NCKAP5: variants seen among roughly 807,000 people sequenced by gnomAD.
The protein encoded by NCKAP5 is NCK associated protein 5.
A neutral mutation model predicts 167.0 loss-of-function variants in NCKAP5; 92 were observed. That is an observed-to-expected ratio of 0.55 (90% CI 0.47 to 0.66). The LOEUF (loss-of-function observed/expected upper bound fraction) is 0.66, where lower values mean the gene tolerates loss of function less well. NCKAP5 is among the 30% of genes least tolerant of loss of function. The probability of loss-of-function intolerance (pLI) is 0.00; values close to 1 mark genes in which losing one functional copy is unlikely to be tolerated. For missense variants in NCKAP5, 2,378 were observed against 2,315.0 expected (o/e 1.03, Z -0.56); for synonymous variants, 891 against 877.4 (o/e 1.02, Z -0.27).
chr2:133,436,011 C>T (rs1690453044), intron 3 of NCKAP5, among the ~76,000 whole-genome samples: 1 of 152,160 alleles, frequency 6.6e-6, no homozygotes, highest in African/African-American at 2.4e-5. Context: ...TTATCATTCA[C>T]CCAGACCCTC....
the NCKAP5 span, among the ~76,000 whole-genome samples, chr2:133,635,083 A>G: frequency 6.6e-6 from 1 of 152,096 alleles, no homozygotes; most frequent in African/African-American, 2.4e-5. Context: ...CATGTTGGCT[A>G]GGCTGGTCTC....
At chr2:133,327,881 T>C (rs1431519418) in intron 3 of NCKAP5, among the ~76,000 whole-genome samples, 2 of 152,180 alleles carry the variant, frequency 1.3e-5, no homozygotes, top group Non-Finnish European at 2.9e-5. Context: ...TTGTCTGTCA[T>C]ACCTGGGAGA....
intron 8 of NCKAP5, among the ~76,000 whole-genome samples, chr2:132,904,910 C>G (rs1443712496): frequency 6.6e-6 from 1 of 152,022 alleles, no homozygotes; most frequent in Admixed American, 6.6e-5. Flanking sequence ...TTCTGTTTGT[C>G]CTTTAATGTT....
intron 5 of NCKAP5, among the ~76,000 whole-genome samples, chr2:133,167,955 T>C (rs991593565): frequency 2.0e-5 from 3 of 152,182 alleles, no homozygotes; most frequent in African/African-American, 7.2e-5. Flanking sequence ...ATTATCATCA[T>C]AACAGTGATA....
chr2:133,089,706 A>C (rs1316953829), intron 6 of NCKAP5, among the ~76,000 whole-genome samples: 3 of 152,214 alleles, frequency 2.0e-5, no homozygotes, highest in African/African-American at 4.8e-5. Context: ...GTACATACAC[A>C]AGTGTCCAGC....
chr2:133,033,136 C>T (rs1428732888), intron 6 of NCKAP5, among the ~76,000 whole-genome samples: 1 of 152,200 alleles, frequency 6.6e-6, no homozygotes, highest in East Asian at 1.9e-4. Context: ...CACTCCACTC[C>T]CAGCTTTAGG....
chr2:132,957,109 C>T (rs1278838298), intron 8 of NCKAP5, among the ~76,000 whole-genome samples: 1 of 152,172 alleles, frequency 6.6e-6, no homozygotes, highest in Admixed American at 6.5e-5. Context: ...GTATTTCCAC[C>T]TGCCCATAGA....
At chr2:133,674,774 C>T in the NCKAP5 span, among the ~76,000 whole-genome samples, 315 of 152,232 alleles carry the variant, frequency 2.1e-3, 2 homozygotes, top group Middle Eastern at 0.017. Context: ...GAGGAGAGTT[C>T]CTGGGGTTTT....
At chr2:133,249,923 T>G (rs1574495485) in intron 4 of NCKAP5, among the ~76,000 whole-genome samples, 1 of 121,910 alleles carries the variant, frequency 8.2e-6, no homozygotes, top group Non-Finnish European at 1.9e-5. Flanking sequence ...GCAATGTGCT[T>G]CTGAAGCAAC....
chr2:133,343,163 C>A (rs535184403), intron 3 of NCKAP5, among the ~76,000 whole-genome samples: 4 of 152,176 alleles, frequency 2.6e-5, no homozygotes, highest in Non-Finnish European at 5.9e-5. Context: ...GTGCATCCTG[C>A]TAGGCAGTGC....
At position 132,672,201 on chromosome 2, in the gene NCKAP5, A is replaced by G. The variant is rs1372761650; in HGVS notation, c.*1088T>C. On this transcript the variant is annotated 3_prime_UTR_variant, in exon 20 of 20. Transcript: ENST00000409261. ...ACATTGCAAATAGAAATTTGTTTTC[A>G]TTTTTAGAGTGCCCAGATTTTAATA... 2 of 152,608 alleles carry G rather than the reference A, an allele frequency of 1.3e-5. No homozygotes were observed. Among genetic ancestry groups the G allele is most frequent in the African/African-American group, 4.8e-5 (2 of 41,450 alleles). The allele number at this position is 152,608 out of a possible 1,614,324, so 9.5% of individuals were successfully genotyped here.
intron 16 of NCKAP5, among the ~76,000 whole-genome samples, chr2:132,764,609 T>C (rs1214124393): frequency 6.6e-6 from 1 of 152,182 alleles, no homozygotes; most frequent in Non-Finnish European, 1.5e-5. Context: ...CACCATCCTA[T>C]TCCCCATCCA....
chr2:133,217,523 C>T (rs766524466), intron 4 of NCKAP5, among the ~76,000 whole-genome samples: 1 of 152,020 alleles, frequency 6.6e-6, no homozygotes, highest in Non-Finnish European at 1.5e-5. Context: ...TATTTTTCCT[C>T]TAAATAAGAC....
intron 7 of NCKAP5, among the ~76,000 whole-genome samples, chr2:132,964,424 T>C (rs1297174482): frequency 6.6e-6 from 1 of 152,192 alleles, no homozygotes; most frequent in Non-Finnish European, 1.5e-5. Context: ...TGTAACACTG[T>C]TCAGCATTCG....
At position 132,782,390 on chromosome 2, in the gene NCKAP5, T is replaced by G. The variant is rs1683112906; in HGVS notation, c.4421A>C (p.Glu1474Ala). The G allele has an allele frequency of 6.2e-7, 1 of 1,613,944 alleles. No homozygotes were observed. The highest frequency in any genetic ancestry group is 8.5e-7 in the Non-Finnish European group (1 of 1,179,912). ...TTCCTGAATGCACAACATGACCTTT[T>G]CTTCGATTGTGGGTGAGAGGGGGGC... ...SEAPLSPTIE[E>A]KVMLCIQENV... is the part of the protein sequence containing the mutation. Residue 1474 changes from glutamate (E) to alanine (A), a missense_variant, in exon 14 of 20, where the codon GAA (glutamate) becomes GCA (alanine). Physicochemically the swap from Glu to Ala is moderately radical, Grantham distance 107. This residue lies in a region of NCKAP5 where 1,325 missense variants were observed against 1,274.5 expected (regional missense o/e 1.04). Transcript: ENST00000409261.
chr2:132,994,476 T>C (rs1455731248), intron 6 of NCKAP5, among the ~76,000 whole-genome samples: 1 of 152,214 alleles, frequency 6.6e-6, no homozygotes, highest in Non-Finnish European at 1.5e-5. Flanking sequence ...TACTTGGACA[T>C]CTAAACTCAT....
At chr2:133,005,618 C>T (rs551609403) in intron 6 of NCKAP5, among the ~76,000 whole-genome samples, 22 of 152,186 alleles carry the variant, frequency 1.4e-4, no homozygotes, top group South Asian at 4.1e-4. Flanking sequence ...TCTGATACCA[C>T]GCAAAAAGGA....
chr2:133,080,621 T>C (rs1023914782), intron 6 of NCKAP5, among the ~76,000 whole-genome samples: 4 of 152,148 alleles, frequency 2.6e-5, no homozygotes, highest in African/African-American at 9.7e-5. Flanking sequence ...ATAACATTTG[T>C]CAACTTCTTT....
chr2:132,842,100 T>C (rs1461794781), intron 11 of NCKAP5, among the ~76,000 whole-genome samples: 3 of 152,146 alleles, frequency 2.0e-5, no homozygotes, highest in Non-Finnish European at 4.4e-5. Context: ...TGTATTCTTG[T>C]CTGTTTTTAG....
Sources: gnomAD v4.1 joint callset for allele counts (sites outside exome capture counted in the v4.1 genomes callset) on GRCh38, gnomAD v4.1.1 for gene constraint, gnomAD v4.1.1 regional missense constraint, MANE v1.5 for transcripts, NCBI Gene and HGNC (gene_info 2026-07-23, HGNC 2026-07-21) for gene names.